CRISPLD2: variants seen among roughly 807,000 people sequenced by gnomAD.
The protein encoded by CRISPLD2 is cysteine-rich secretory protein LCCL domain-containing 2.
A neutral mutation model predicts 71.1 loss-of-function variants in CRISPLD2; 47 were observed. The observed-to-expected ratio is 0.66, with a 90% CI of 0.52 to 0.84. The LOEUF (loss-of-function observed/expected upper bound fraction) is 0.84, where lower values mean the gene tolerates loss of function less well. CRISPLD2 is among the 40% of genes least tolerant of loss of function. CRISPLD2 has a pLI of 0.00. For missense variants in CRISPLD2, 830 were observed against 651.1 expected, an observed-to-expected ratio of 1.27 and a Z score of -2.99; for synonymous variants, 317 against 250.1, an observed-to-expected ratio of 1.27 and a Z score of -2.52.
intron 11 of CRISPLD2, among the ~76,000 whole-genome samples, chr16:84,875,705 C>T (rs1046342070): frequency 8.0e-5 from 12 of 149,690 alleles, no homozygotes; most frequent in African/African-American, 1.2e-4. Flanking sequence ...TACAGGCACC[C>T]GCCACCATGT....
At chr16:84,906,519 C>T (rs1279538158) in intron 14 of CRISPLD2, 69 bp from the exon 15 acceptor site, 12 of 1,552,630 alleles carry the variant, frequency 7.7e-6, no homozygotes, top group African/African-American at 1.4e-5. Context: ...GTCTCCCTGC[C>T]CACCCAGAGT....
chr16:84,852,848 C>T (rs1218420006), intron 5 of CRISPLD2, among the ~76,000 whole-genome samples: 2 of 152,182 alleles, frequency 1.3e-5, no homozygotes, highest in East Asian at 1.9e-4. Context: ...AGGAGAATCG[C>T]TTGAGTCCAG....
chr16:84,869,453 G>A (rs1158779110), intron 8 of CRISPLD2, among the ~76,000 whole-genome samples: 1 of 152,228 alleles, frequency 6.6e-6, no homozygotes, highest in Non-Finnish European at 1.5e-5. Flanking sequence ...ATGTTAAAAA[G>A]GGAAGGTTGA....
chr16:84,877,078 A>G lies in CRISPLD2; in HGVS notation c.1157-360A>G, dbSNP rs190775017. On this transcript the variant is annotated intron_variant, in intron 11 of 14. Transcript: ENST00000262424. ...GGCACTCTGAGCTCTCTGAGCTTCCATTTCCTCATCTGCCTACTTAGAGTA... is the reference window on the plus strand; with the variant it reads ...GGCACTCTGAGCTCTCTGAGCTTCCGTTTCCTCATCTGCCTACTTAGAGTA... 2.7e-4 allele frequency among the ~76,000 whole-genome samples: 41 copies of G among 152,288 alleles called. 1 individual carries two copies. The East Asian group carries it at 6.0e-3, about 22-fold the overall frequency.
At chr16:84,905,240 C>T (rs1464995519) in intron 14 of CRISPLD2, among the ~76,000 whole-genome samples, 1 of 152,134 alleles carries the variant, frequency 6.6e-6, no homozygotes, top group East Asian at 1.9e-4. Context: ...GCACTCTGGC[C>T]TTGGTGACAG....
chr16:84,887,897 A>G lies in CRISPLD2; in HGVS notation c.1306-1333A>G, dbSNP rs565833257. Among the ~76,000 whole-genome samples, 3 of 152,326 alleles carry G rather than the reference A, an allele frequency of 2.0e-5. No homozygotes were observed. In the South Asian group the frequency reaches 6.2e-4, roughly 32 times the overall value. ...GTCTCAAAAAATAGATAGATAAATA[A>G]ATAAATAAATTGAAGTCATCAGACT... On this transcript the variant is annotated intron_variant, in intron 13 of 14. Transcript: ENST00000262424.
At position 84,877,621 on chromosome 16, in the gene CRISPLD2, G is replaced by A. The variant is rs577053150; in HGVS notation, c.1229+111G>A. ...TCCCAGCACTTTGGGAGGCCGAGGC[G>A]GGTGGATCACTTGAGGCCAGGAGTT... On this transcript the variant is annotated intron_variant, in intron 12 of 14. Transcript: ENST00000262424. The A allele has an allele frequency of 2.2e-4, 186 of 859,252 alleles. 2 individuals carry two copies. The African/African-American group carries it at 2.9e-3, about 13-fold the overall frequency. The allele number at this position is 859,252 out of a possible 1,614,324, so 53.2% of individuals were successfully genotyped here.
At chr16:84,823,325 G>C (rs116203465) in intron 1 of CRISPLD2, among the ~76,000 whole-genome samples, 1 of 152,180 alleles carries the variant, frequency 6.6e-6, no homozygotes, top group Non-Finnish European at 1.5e-5. Context: ...GAACATTTGT[G>C]TACAAGGTTT....
Position 84,846,490 on chromosome 16 carries a change from G to C in CRISPLD2, c.359+586G>C, listed in dbSNP as rs571605386. ...GGTGGTCTCGAACTCCTGGCCTCAA[G>C]TGATCCACCCACGTTGGCCTCCTCA... is the stretch of plus-strand genomic sequence containing the variant. On this transcript the variant is annotated intron_variant, in intron 3 of 14. Transcript: ENST00000262424. Among the ~76,000 whole-genome samples, 346 of 152,256 alleles carry C rather than the reference G, an allele frequency of 2.3e-3. 1 individual carries two copies. The highest frequency in any genetic ancestry group is 8.0e-3 in the African/African-American group (333 of 41,552).
intron 13 of CRISPLD2, among the ~76,000 whole-genome samples, chr16:84,882,365 A>AAAAAAAAC (rs2071575944): frequency 6.7e-6 from 1 of 149,270 alleles, no homozygotes; most frequent in Non-Finnish European, 1.5e-5. Flanking sequence ...AAAAAAAAAA[A>AAAAAAAAC]AAAAAAGCAA....
intron 11 of CRISPLD2, among the ~76,000 whole-genome samples, chr16:84,874,672 T>C (rs1340888904): frequency 1.3e-5 from 2 of 152,222 alleles, no homozygotes. Context: ...AAGTTCTAGT[T>C]AGATATCTTT....
At chr16:84,898,847 T>G (rs1051601685) in intron 14 of CRISPLD2, among the ~76,000 whole-genome samples, 7 of 152,260 alleles carry the variant, frequency 4.6e-5, no homozygotes, top group Admixed American at 3.3e-4. Context: ...TAGTCCCAGT[T>G]GCACCACTGC....
At chr16:84,823,425 G>A (rs78891773) in intron 1 of CRISPLD2, among the ~76,000 whole-genome samples, 1,901 of 152,308 alleles carry the variant, frequency 0.012, 24 homozygotes, top group Non-Finnish European at 0.02. Context: ...ACTTATTGAG[G>A]AGACTGTGGC....
intron 13 of CRISPLD2, among the ~76,000 whole-genome samples, chr16:84,888,549 G>A (rs1235031295): frequency 6.6e-6 from 1 of 152,128 alleles, no homozygotes; most frequent in Non-Finnish European, 1.5e-5. Flanking sequence ...CTGCTCCCTT[G>A]GTACCTAGAA....
chr16:84,866,861 G>T (rs772634606), intron 6 of CRISPLD2, 36 bp from the exon 7 acceptor site: 22 of 1,596,848 alleles, frequency 1.4e-5, no homozygotes, highest in Non-Finnish European at 1.8e-5. Flanking sequence ...TTGAATCCCA[G>T]TGTGTTATTT....
chr16:84,838,088 G>A (rs1451727151), intron 1 of CRISPLD2, among the ~76,000 whole-genome samples: 3 of 152,038 alleles, frequency 2.0e-5, no homozygotes, highest in Non-Finnish European at 1.5e-5. Context: ...GCTAATTTGT[G>A]CCTGAGATTC....
intron 1 of CRISPLD2, among the ~76,000 whole-genome samples, chr16:84,837,801 A>T (rs1916662264): frequency 1.3e-5 from 2 of 151,998 alleles, no homozygotes; most frequent in Admixed American, 1.3e-4. Context: ...AACATAAACG[A>T]CCGGCCTGTG....
At chr16:84,848,669 G>T (rs1458448853) in intron 3 of CRISPLD2, among the ~76,000 whole-genome samples, 1 of 152,126 alleles carries the variant, frequency 6.6e-6, no homozygotes, top group East Asian at 1.9e-4. Context: ...TCCAACTCCT[G>T]ACCTCAGGTG....
At chr16:84,859,176 G>A (rs1433850661) in intron 6 of CRISPLD2, among the ~76,000 whole-genome samples, 1 of 152,204 alleles carries the variant, frequency 6.6e-6, no homozygotes. Flanking sequence ...CCAAAGTGGG[G>A]GTTCTGCCAG....
Sources: gnomAD v4.1 joint callset for allele counts (sites outside exome capture counted in the v4.1 genomes callset) on GRCh38, gnomAD v4.1.1 for gene constraint, MANE v1.5 for transcripts, NCBI Gene and HGNC (gene_info 2026-07-23, HGNC 2026-07-21) for gene names.